Variants in SEZ6L observed in about 807,000 individuals in gnomAD.
SEZ6L encodes seizure 6-like protein.
SEZ6L carries 37 observed loss-of-function variants against 106.2 expected under a neutral mutation model. That is an observed-to-expected ratio of 0.35 (90% CI 0.27 to 0.46). SEZ6L has a LOEUF of 0.46. SEZ6L is among the 20% of genes least tolerant of loss of function. SEZ6L has a pLI of 1.00. For synonymous variants in SEZ6L, 541 were observed against 570.4 expected, an observed-to-expected ratio of 0.95 and a Z score of 0.73; for missense variants, 1,172 against 1,332.8, an observed-to-expected ratio of 0.88 and a Z score of 1.88.
chr22:26,363,556 G>A (rs1483508931), intron 12 of SEZ6L, among the ~76,000 whole-genome samples: 1 of 152,228 alleles, frequency 6.6e-6, no homozygotes, highest in Non-Finnish European at 1.5e-5. Context: ...ATGATGATAA[G>A]ACAGAGTTCC....
chr22:26,302,711 T>A (rs1347754286), intron 5 of SEZ6L, among the ~76,000 whole-genome samples: 1 of 152,178 alleles, frequency 6.6e-6, no homozygotes, highest in Non-Finnish European at 1.5e-5. Flanking sequence ...TCTCTCACAT[T>A]AATTTTTATC....
chr22:26,319,353 A>T (rs1347086803), intron 9 of SEZ6L, among the ~76,000 whole-genome samples: 1 of 152,100 alleles, frequency 6.6e-6, no homozygotes, highest in Non-Finnish European at 1.5e-5. Flanking sequence ...TCCTGTTACA[A>T]CCGAAGTCAT....
At chr22:26,325,938 C>A (rs1196758849) in intron 9 of SEZ6L, among the ~76,000 whole-genome samples, 3 of 151,604 alleles carry the variant, frequency 2.0e-5, no homozygotes, top group African/African-American at 7.3e-5. Flanking sequence ...CACACACACA[C>A]ACACACACAC....
chr22:26,195,903 T>A (rs1021969286), intron 1 of SEZ6L, among the ~76,000 whole-genome samples: 1 of 152,108 alleles, frequency 6.6e-6, no homozygotes, highest in African/African-American at 2.4e-5. Context: ...CTATGAGGCA[T>A]TGACCTTTAA....
At chr22:26,214,569 T>C (rs1175908044) in intron 1 of SEZ6L, among the ~76,000 whole-genome samples, 2 of 152,188 alleles carry the variant, frequency 1.3e-5, no homozygotes, top group Non-Finnish European at 2.9e-5. Flanking sequence ...GTATTATATA[T>C]AAGAAATGCT....
rs1601570463 is a variant in SEZ6L at position 26,347,804 on chromosome 22, A to G, written c.2298A>G (p.Gly766=). The change falls in exon 11 of 17, where the codon GGA becomes GGG. Residue 766 remains glycine (G), a synonymous_variant. Transcript: ENST00000248933. ...CTTCTCACACGGAGTTGGTGCGGGG[A>G]GCCAGAATCACCTACCAGTGTGACC... ...KTTSHTELVR[G]ARITYQCDPG... is the part of the protein sequence containing the mutation. 6.2e-7 allele frequency: 1 copy of G among 1,608,492 alleles called. No homozygotes were observed. The highest frequency in any genetic ancestry group is 2.3e-5 in the East Asian group (1 of 44,266).
rs1204933862 is a variant in SEZ6L, at chr22:26,380,375, T to A, written c.*80T>A. On this transcript the variant is annotated 3_prime_UTR_variant, in exon 17 of 17. Coordinates refer to ENST00000248933, the MANE Select transcript of SEZ6L (RefSeq NM_021115.5). ...CATTCATCCAGAGACCATGTGGCAC[T>A]TGATTGAAACCCCAGAATGTCGACT... The A allele has an allele frequency of 3.4e-6, 4 of 1,171,752 alleles. No homozygotes were observed. 72.6% of individuals were successfully genotyped at this position (1,171,752 alleles called of 1,614,324 possible). A position where few individuals can be genotyped will look rare whatever the true frequency, so the allele number is the denominator to read the frequency against.
Position 26,383,088 on chromosome 22 carries a change from G to A in SEZ6L, c.*2793G>A, listed in dbSNP as rs1003915094. The A allele has an allele frequency of 2.6e-5, 1 of 37,784 alleles. No individual in the cohort carries two copies. Among genetic ancestry groups the A allele is most frequent in the Non-Finnish European group, 5.5e-5 (1 of 18,098 alleles). The allele number at this position is 37,784 out of a possible 1,614,324, so 2.3% of individuals were successfully genotyped here. ...TTTTTGCTTTTTTTTTTTTTTTTTT[G>A]TAGAATTATTTAGCTAACATAAGTA... On this transcript the variant is annotated 3_prime_UTR_variant, in exon 17 of 17. Transcript: ENST00000248933.
intron 13 of SEZ6L, among the ~76,000 whole-genome samples, chr22:26,372,488 T>A (rs2084072166): frequency 6.6e-6 from 1 of 152,156 alleles, no homozygotes; most frequent in Admixed American, 6.5e-5. Context: ...TTTGTCATCA[T>A]GGTGTGATGA....
intron 1 of SEZ6L, chr22:26,242,939 G>C (rs1164323676): frequency 6.6e-6 from 1 of 152,184 alleles, no homozygotes; most frequent in Non-Finnish European, 1.5e-5. Flanking sequence ...GAGGCCAAGA[G>C]TCTGAAACCA....
At chr22:26,236,205 CT>C (rs1295512138) in intron 1 of SEZ6L, among the ~76,000 whole-genome samples, 2 of 152,216 alleles carry the variant, frequency 1.3e-5, no homozygotes, top group Non-Finnish European at 2.9e-5. Flanking sequence ...CCCAAATTGC[CT>C]TTGGAGTTTG....
chr22:26,340,585 C>G lies in SEZ6L; in HGVS notation c.2165C>G (p.Ala722Gly). 1.2e-6 allele frequency: 2 copies of G among 1,614,168 alleles called. No individual in the cohort carries two copies. The highest frequency in any genetic ancestry group is 2.2e-5 in the South Asian group (2 of 91,078). The change falls in exon 10 of 17, where the codon GCT becomes GGT. Residue 722 changes from alanine to glycine, a missense_variant. Around this residue, in one of 4 missense-constraint regions of SEZ6L, gnomAD observed 534 missense variants for 691.0 expected, o/e 0.77. Transcript: ENST00000248933. The stretch of plus-strand genomic sequence containing the variant: ...ACCATCCAGTTCCATTCGGACCCTG[C>G]TGGCCTCATCTTTGGAAAGGGCCAG... ...DLTIQFHSDP[A>G]GLIFGKGQGF...
chr22:26,317,993 G>T (rs2082051828), intron 9 of SEZ6L, among the ~76,000 whole-genome samples: 1 of 151,954 alleles, frequency 6.6e-6, no homozygotes, highest in Non-Finnish European at 1.5e-5. Context: ...TTATATGGAG[G>T]GGAGGGGTCT....
chr22:26,376,325 A>G (rs570072793), intron 15 of SEZ6L, among the ~76,000 whole-genome samples: 1 of 152,358 alleles, frequency 6.6e-6, no homozygotes, highest in Admixed American at 6.5e-5. Context: ...TAAGTGCAGG[A>G]AGAGAAGGCT....
chr22:26,316,892 G>GAAAGAAGAAAGAA (rs1229794374), intron 9 of SEZ6L, among the ~76,000 whole-genome samples: 49,490 of 97,998 alleles, frequency 0.51, 10,194 homozygotes, highest in South Asian at 0.61. Context: ...AAGAAAGAAA[G>GAAAGAAGAAAGAA]AGAAAGAAAG....
chr22:26,340,736 A>G (rs559767078), intron 10 of SEZ6L, 104 bp downstream of exon 10: 8 of 907,928 alleles, frequency 8.8e-6, no homozygotes, highest in African/African-American at 8.4e-5. Context: ...GCGATTTTTC[A>G]TTGTATTGTA....
chr22:26,184,101 A>G (rs1939603366), intron 1 of SEZ6L, among the ~76,000 whole-genome samples: 1 of 152,222 alleles, frequency 6.6e-6, no homozygotes, highest in African/African-American at 2.4e-5. Flanking sequence ...GGAAGAGAAC[A>G]GACCCATTAC....
At chr22:26,229,434 A>T (rs560026767) in intron 1 of SEZ6L, among the ~76,000 whole-genome samples, 6 of 152,236 alleles carry the variant, frequency 3.9e-5, no homozygotes, top group African/African-American at 1.4e-4. Context: ...GTTTTAAAAA[A>T]AATAATCAAA....
At chr22:26,291,709 G>A (rs773780193) in intron 1 of SEZ6L, among the ~76,000 whole-genome samples, 4 of 152,230 alleles carry the variant, frequency 2.6e-5, no homozygotes, top group Non-Finnish European at 5.9e-5. Flanking sequence ...CATCCTCTTA[G>A]CTGCATGTCT....
Sources: gnomAD v4.1 joint callset for allele counts (sites outside exome capture counted in the v4.1 genomes callset) on GRCh38, gnomAD v4.1.1 for gene constraint, gnomAD v4.1.1 regional missense constraint, MANE v1.5 for transcripts, NCBI Gene and HGNC (gene_info 2026-07-23, HGNC 2026-07-21) for gene names.